The following PDE1A variants were observed in gnomAD, a reference collection of about 807,000 sequenced individuals.
PDE1A encodes phosphodiesterase 1A.
In PDE1A, 35 loss-of-function variants were observed where a neutral mutation model predicts 61.7. The observed-to-expected ratio is 0.57, with a 90% CI of 0.43 to 0.75. PDE1A has a LOEUF of 0.75. Among genes scored for constraint, PDE1A ranks in the 30% least tolerant of loss-of-function variants. The probability of loss-of-function intolerance (pLI) is 0.00; values close to 1 mark genes in which losing one functional copy is unlikely to be tolerated. For synonymous variants in PDE1A, 232 were observed against 213.2 expected (o/e 1.09, Z -0.77); for missense variants, 597 against 630.6 (o/e 0.95, Z 0.57).
intron 2 of PDE1A, among the ~76,000 whole-genome samples, chr2:182,248,378 T>TACG (rs10626467): frequency 0.72 from 109,010 of 151,784 alleles, 39,716 homozygotes; most frequent in African/African-American, 0.85. Context: ...TGGTGTTTGA[T>TACG]ACTTTAGTTT....
At chr2:182,428,967 T>C (rs1032569023), upstream of PDE1A, among the ~76,000 whole-genome samples, 2 of 152,128 alleles carry the variant, frequency 1.3e-5, no homozygotes, top group African/African-American at 2.4e-5. Flanking sequence ...GTATGAAATA[T>C]AGCTTGAAGT....
chr2:182,218,783 T>C (rs984541202), intron 7 of PDE1A, among the ~76,000 whole-genome samples: 57 of 152,144 alleles, frequency 3.7e-4, no homozygotes, highest in Non-Finnish European at 3.4e-4. Context: ...TTATGAATGT[T>C]GAGCCAGACT....
the PDE1A span, among the ~76,000 whole-genome samples, chr2:182,564,729 T>A: frequency 2.0e-5 from 3 of 152,198 alleles, no homozygotes; most frequent in African/African-American, 4.8e-5. Context: ...TAGTCCCACA[T>A]TTCTTGGAGG....
chr2:182,654,203 A>G, the PDE1A span, among the ~76,000 whole-genome samples: 1 of 152,236 alleles, frequency 6.6e-6, no homozygotes, highest in African/African-American at 2.4e-5. Context: ...ATTCTAATGG[A>G]AATAAAATAC....
intron 1 of PDE1A, among the ~76,000 whole-genome samples, chr2:182,289,382 C>CCCT (rs1694375417): frequency 6.6e-6 from 1 of 151,612 alleles, no homozygotes; most frequent in South Asian, 2.1e-4. Flanking sequence ...TTTTCAGAGC[C>CCCT]CCTCACATCA....
the PDE1A span, among the ~76,000 whole-genome samples, chr2:182,643,148 C>T: frequency 6.6e-6 from 1 of 152,316 alleles, no homozygotes; most frequent in Admixed American, 6.5e-5. Context: ...TCGTCAGGAT[C>T]CTGAGTCCTG....
chr2:182,479,529 A>G (rs948491039), intron 2 of PDE1A, among the ~76,000 whole-genome samples: 4 of 148,124 alleles, frequency 2.7e-5, no homozygotes, highest in African/African-American at 9.7e-5. Flanking sequence ...GAAGGAAGGG[A>G]GGAAGGAAGA....
chr2:182,361,399 T>C (rs1316335681), intron 1 of PDE1A, among the ~76,000 whole-genome samples: 1 of 152,102 alleles, frequency 6.6e-6, no homozygotes, highest in African/African-American at 2.4e-5. Context: ...TACTTGCTTT[T>C]GCTAACATTT....
intron 2 of PDE1A, among the ~76,000 whole-genome samples, chr2:182,493,232 C>CT (rs371513720): frequency 0.97 from 140,170 of 144,104 alleles, 68,195 homozygotes; most frequent in East Asian, 0.99. Context: ...TCTCGACTAA[C>CT]TTTTTTTTTT....
At chr2:182,642,899 C>T in the PDE1A span, among the ~76,000 whole-genome samples, 1 of 152,124 alleles carries the variant, frequency 6.6e-6, no homozygotes, top group Non-Finnish European at 1.5e-5. Context: ...TTAATTGGCT[C>T]CAGAAATGCC....
intron 13 of PDE1A, among the ~76,000 whole-genome samples, chr2:182,153,879 G>C (rs1690926836): frequency 6.6e-6 from 1 of 152,162 alleles, no homozygotes; most frequent in Non-Finnish European, 1.5e-5. Flanking sequence ...AGGCAGGTAA[G>C]GGATGAGAAA....
At chr2:182,358,685 G>T (rs1375235468) in intron 1 of PDE1A, among the ~76,000 whole-genome samples, 1 of 152,022 alleles carries the variant, frequency 6.6e-6, no homozygotes, top group Non-Finnish European at 1.5e-5. Context: ...TTTTTTGAAG[G>T]CTTACTAAGC....
At chr2:182,242,447 A>G (rs1247405946) in intron 2 of PDE1A, among the ~76,000 whole-genome samples, 1 of 152,210 alleles carries the variant, frequency 6.6e-6, no homozygotes, top group Non-Finnish European at 1.5e-5. Context: ...GGAATATGCT[A>G]TTGTGTAACT....
the PDE1A span, among the ~76,000 whole-genome samples, chr2:182,676,892 C>G: frequency 6.6e-6 from 1 of 152,124 alleles, no homozygotes; most frequent in Non-Finnish European, 1.5e-5. Context: ...TTTCAATAAA[C>G]TAGGTATAGA....
chr2:182,581,730 C>T, the PDE1A span, among the ~76,000 whole-genome samples: 1 of 152,096 alleles, frequency 6.6e-6, no homozygotes, highest in Non-Finnish European at 1.5e-5. Flanking sequence ...ACAGAAACAG[C>T]TGAAGAAACA....
intron 7 of PDE1A, among the ~76,000 whole-genome samples, chr2:182,209,592 GGACCTGGTAGGAGGT>G (rs898475380): frequency 7.3e-5 from 11 of 151,628 alleles, no homozygotes; most frequent in Admixed American, 5.2e-4. Context: ...ACTGGTAGAG[GGACCTGGTAGGAGGT>G]GACTAGATCA....
the PDE1A span, among the ~76,000 whole-genome samples, chr2:182,669,544 C>G: frequency 1.3e-5 from 2 of 152,226 alleles, no homozygotes; most frequent in Non-Finnish European, 2.9e-5. Flanking sequence ...TTCTTTAAAA[C>G]AGCAACCTTC....
chr2:182,696,419 T>A, the PDE1A span, among the ~76,000 whole-genome samples: 1 of 152,068 alleles, frequency 6.6e-6, no homozygotes, highest in Non-Finnish European at 1.5e-5. Flanking sequence ...GGCAAAACTA[T>A]GGAGATAGTA....
Position 182,147,172 on chromosome 2 carries a change from A to C in PDE1A, c.1517-20T>G. On this transcript the variant is annotated intron_variant, in intron 13 of 13. Coordinates refer to the PDE1A transcript ENST00000409365. The stretch of plus-strand genomic sequence containing the variant: ...ATTCACCTAAAAATATAAGGAAACA[A>C]AAGCAAAACAAAACAAAATAAGGCT... 6.9e-7 allele frequency: 1 copy of C among 1,440,148 alleles called. No homozygotes were observed. The highest frequency in any genetic ancestry group is 1.2e-5 in the South Asian group (1 of 83,666). The allele number at this position is 1,440,148 out of a possible 1,614,324, so 89.2% of individuals were successfully genotyped here. A position where few individuals can be genotyped will look rare whatever the true frequency, so the allele number is the denominator to read the frequency against.
Sources: gnomAD v4.1 joint callset for allele counts (sites outside exome capture counted in the v4.1 genomes callset) on GRCh38, gnomAD v4.1.1 for gene constraint, MANE v1.5 for transcripts, NCBI Gene and HGNC (gene_info 2026-07-23, HGNC 2026-07-21) for gene names.